Variants in MARVELD3 observed in about 807,000 individuals in gnomAD.
MARVELD3 encodes the protein MARVEL domain containing 3, also known as MARVEL domain-containing protein 3.
Under a neutral mutation model 33.5 loss-of-function variants are expected in MARVELD3, and 28 were observed. The observed-to-expected ratio is 0.84, with a 90% confidence interval of 0.62 to 1.15. MARVELD3 has a LOEUF of 1.15. MARVELD3 is among the 50% of genes most tolerant of loss of function. The pLI is 0.00. For missense variants in MARVELD3, 582 were observed against 547.6 expected, an observed-to-expected ratio of 1.06 and a Z score of -0.63; for synonymous variants, 241 against 230.4, an observed-to-expected ratio of 1.05 and a Z score of -0.42.
At chr16:71,636,999 G>C (rs946797935), downstream of MARVELD3, among the ~76,000 whole-genome samples, 2 of 152,126 alleles carry the variant, frequency 1.3e-5, no homozygotes, top group African/African-American at 2.4e-5. Context: ...CCACCATAGA[G>C]ATAAACTGCT....
intron 1 of MARVELD3, 92 bp from the exon 2 acceptor site, chr16:71,629,275 A>G (rs1215883092): frequency 2.2e-6 from 3 of 1,348,074 alleles, no homozygotes; most frequent in Non-Finnish European, 3.0e-6. Context: ...TTCTGCTAAT[A>G]TTTGGGCCCA....
chr16:71,640,260 G>C (rs533259145), downstream of MARVELD3: 2 of 976,252 alleles, frequency 2.0e-6, no homozygotes, highest in African/African-American at 3.3e-5. Context: ...GAGTGACACC[G>C]TCTCAAAAAA....
chr16:71,626,589 G>C lies in MARVELD3; in HGVS notation c.360G>C (p.Arg120=), dbSNP rs974255659. The part of the protein sequence containing the change: ...PRQSRTRDGA[R]GLTWDAAAPP... ...AAAGCCGGACGCGGGACGGAGCCCG[G>C]GGACTGACCTGGGACGCAGCCGCGC... is the stretch of plus-strand genomic sequence containing the variant. The change falls in exon 1 of 3, where the codon CGG becomes CGC. Residue 120 remains arginine, a synonymous_variant. Transcript: ENST00000268485. This position sits in a 1 kb window ranked among gnomAD's most constrained non-coding sequence, Gnocchi z 5.3. 1 of 1,544,758 alleles carries C rather than the reference G, an allele frequency of 6.5e-7. No individual in the cohort carries two copies. The highest frequency in any genetic ancestry group is 2.4e-5 in the East Asian group (1 of 40,870).
intron 1 of MARVELD3, chr16:71,629,165 C>T (rs1214113578): frequency 2.9e-5 from 15 of 525,752 alleles, no homozygotes; most frequent in Non-Finnish European, 4.4e-5. Flanking sequence ...GCATCTGTCA[C>T]GTGGTTAGTG....
chr16:71,632,512 T>C (rs1427935958), intron 2 of MARVELD3, among the ~76,000 whole-genome samples: 1 of 152,004 alleles, frequency 6.6e-6, no homozygotes, highest in Non-Finnish European at 1.5e-5. Flanking sequence ...ACTTATAAGT[T>C]AAAGTCTAAG....
At position 71,634,712 on chromosome 16, in the gene MARVELD3, T is replaced by TGGTCTTTGC; in HGVS notation, c.1116_1124dup (p.Val373_Ala375dup). The TGGTCTTTGC allele has an allele frequency of 2.5e-6, 4 of 1,614,228 alleles. No individual in the cohort carries two copies. The highest frequency in any genetic ancestry group is 3.4e-6 in the Non-Finnish European group (4 of 1,180,046). On this transcript the variant is annotated inframe_insertion, in exon 3 of 3. Coordinates refer to ENST00000268485, the MANE Select transcript of MARVELD3 (RefSeq NM_052858.6). Reference sequence around the variant, plus strand: ...GGAATCTTTGCTGCCCTGGGCATTGTGGTCTTTGCCCTGGGGGCTGTCCTG... The same window carrying TGGTCTTTGC: ...GGAATCTTTGCTGCCCTGGGCATTGTGGTCTTTGCGGTCTTTGCCCTGGGGGCTGTCCTG...
chr16:71,640,879 C>T (rs1048497281), downstream of MARVELD3: 4 of 1,614,092 alleles, frequency 2.5e-6, no homozygotes, highest in South Asian at 1.1e-5. Context: ...GCAGCAGCCA[C>T]CTTTGCTTGT....
At chr16:71,633,159 T>C (rs1334390888) in intron 2 of MARVELD3, among the ~76,000 whole-genome samples, 2 of 151,718 alleles carry the variant, frequency 1.3e-5, no homozygotes, top group African/African-American at 4.8e-5. Context: ...AGCAAGGAAT[T>C]TGAGACCAGC....
At position 71,634,274 on chromosome 16, in the gene MARVELD3, A is replaced by T. The variant is rs2044560396; in HGVS notation, c.677A>T (p.Tyr226Phe). The change falls in exon 3 of 3, where the codon TAC becomes TTC. Residue 226 changes from tyrosine (Y) to phenylalanine (F), a missense_variant. Transcript: ENST00000268485. Reference sequence around the variant, plus strand: ...GTGTCTTACAGTTCCACAGGGGGCTACACGGGCATCACCAGCTTGGGGGGC... The same window carrying T: ...GTGTCTTACAGTTCCACAGGGGGCTTCACGGGCATCACCAGCTTGGGGGGC... Reference protein sequence around the residue: ...SSVSYSSTGGYTGITSLGGIY... With the variant: ...SSVSYSSTGGFTGITSLGGIY... 1 of 1,614,098 alleles carries T rather than the reference A, an allele frequency of 6.2e-7. No homozygotes were observed. The highest frequency in any genetic ancestry group is 8.5e-7 in the Non-Finnish European group (1 of 1,180,048).
chr16:71,630,328 A>T (rs1401922701), intron 2 of MARVELD3, among the ~76,000 whole-genome samples: 3 of 150,720 alleles, frequency 2.0e-5, no homozygotes, highest in Non-Finnish European at 4.4e-5. Context: ...AATTTAAAAA[A>T]TTTTTAAAAT....
At chr16:71,640,650 C>T (rs1302670368), downstream of MARVELD3, 1 of 1,614,122 alleles carries the variant, frequency 6.2e-7, no homozygotes, top group Non-Finnish European at 8.5e-7. Context: ...GGGTGTTTTA[C>T]TCCAAGGAGC....
rs1277296784 is a variant in MARVELD3, at chr16:71,626,343, C to A, written c.114C>A (p.Pro38=). 2 of 1,548,172 alleles carry A rather than the reference C, an allele frequency of 1.3e-6. No homozygotes were observed. The highest frequency in any genetic ancestry group is 2.4e-5 in the South Asian group (2 of 83,946). Residue 38 remains proline, a synonymous_variant, in exon 1 of 3, where the codon CCC becomes CCA. Coordinates refer to ENST00000268485, the MANE Select transcript of MARVELD3 (RefSeq NM_052858.6). The surrounding 1 kb of genome is among the most constrained non-coding windows in gnomAD (Gnocchi z 5.3). ...GRTHDRPRDR[P]GDPRRKRSSD... ...CCCACGATCGACCGCGGGACCGACC[C>A]GGGGACCCGCGCAGGAAGCGAAGCA... is the stretch of plus-strand genomic sequence containing the variant.
chr16:71,632,407 C>G (rs1056856675), intron 2 of MARVELD3, among the ~76,000 whole-genome samples: 5 of 152,068 alleles, frequency 3.3e-5, no homozygotes, highest in African/African-American at 1.2e-4. Flanking sequence ...GATAAAGAAG[C>G]CAAGGGACCG....
rs2044571709 is a variant in MARVELD3 at position 71,635,179 on chromosome 16, A to C, written c.*376A>C. The C allele has an allele frequency of 7.9e-6, 6 of 763,332 alleles. No individual in the cohort carries two copies. Among genetic ancestry groups the C allele is most frequent in the Non-Finnish European group, 9.6e-6 (6 of 624,928 alleles). 47.3% of individuals were successfully genotyped at this position (763,332 alleles called of 1,614,324 possible). A position where few individuals can be genotyped will look rare whatever the true frequency, so the allele number is the denominator to read the frequency against. On this transcript the variant is annotated 3_prime_UTR_variant, in exon 3 of 3. Transcript: ENST00000268485. ...CCCGTCTCTACTAAAATACAAAAAA[A>C]TTAGCCAGGCGTGGTGGCGGGCGCC...
In MARVELD3 at chr16:71,634,688, G is replaced by A; in HGVS notation, c.1091G>A (p.Gly364Glu). ...CSFHGADIGA[G>E]IFAALGIVVF... is the part of the protein sequence containing the mutation. Reference sequence around the variant, plus strand: ...TTCCACGGAGCAGATATAGGAGCTGGAATCTTTGCTGCCCTGGGCATTGTG... The same window carrying A: ...TTCCACGGAGCAGATATAGGAGCTGAAATCTTTGCTGCCCTGGGCATTGTG... The change falls in exon 3 of 3, where the codon GGA (glycine) becomes GAA (glutamate). Residue 364 changes from glycine to glutamate, a missense_variant. Coordinates refer to ENST00000268485, the MANE Select transcript of MARVELD3 (RefSeq NM_052858.6). 6.2e-7 allele frequency: 1 copy of A among 1,614,254 alleles called. No individual in the cohort carries two copies. Among genetic ancestry groups the A allele is most frequent in the South Asian group, 1.1e-5 (1 of 91,088 alleles).
At chr16:71,628,712 GGGGCCTC>G (rs2044499006) in intron 1 of MARVELD3, among the ~76,000 whole-genome samples, 1 of 152,024 alleles carries the variant, frequency 6.6e-6, no homozygotes, top group South Asian at 2.1e-4. Flanking sequence ...GAGATGAACA[GGGGCCTC>G]CTGTGCATGC....
intron 2 of MARVELD3, among the ~76,000 whole-genome samples, chr16:71,633,002 T>A (rs1038371905): frequency 6.6e-6 from 1 of 152,160 alleles, no homozygotes; most frequent in Non-Finnish European, 1.5e-5. Flanking sequence ...TTGTTTAAGC[T>A]CTGTGATTTT....
At chr16:71,627,589 C>G (rs1385440985) in intron 1 of MARVELD3, among the ~76,000 whole-genome samples, 4 of 152,070 alleles carry the variant, frequency 2.6e-5, no homozygotes, top group Non-Finnish European at 4.4e-5. Flanking sequence ...CTGAAGGGTA[C>G]AGGTTTGTTT....
intron 2 of MARVELD3, among the ~76,000 whole-genome samples, chr16:71,630,340 A>G (rs2044521228): frequency 1.3e-5 from 2 of 150,620 alleles, no homozygotes; most frequent in African/African-American, 2.4e-5. Context: ...TTTTAAAATA[A>G]TAAGGCCAGG....
Sources: allele counts gnomAD v4.1 joint callset (sites outside exome capture counted in the v4.1 genomes callset), GRCh38; gene constraint gnomAD v4.1.1; non-coding constraint Gnocchi (gnomAD v3.1); transcripts MANE v1.5; gene names NCBI Gene and HGNC (gene_info 2026-07-23, HGNC 2026-07-21).